WWOX: variants seen among roughly 807,000 people sequenced by gnomAD.
WWOX encodes WW domain-containing oxidoreductase.
Under a neutral mutation model 46.2 loss-of-function variants are expected in WWOX, and 69 were observed. The observed-to-expected ratio is 1.49, with a 90% CI of 1.23 to 1.82. The LOEUF (loss-of-function observed/expected upper bound fraction) is 1.82. Among genes scored for constraint, WWOX ranks in the 40% most tolerant of loss-of-function variants. WWOX has a pLI of 0.00. For synonymous variants in WWOX, 359 were observed against 202.6 expected (o/e 1.77, Z -6.56); for missense variants, 919 against 542.6 (o/e 1.69, Z -6.89).
intron 5 of WWOX, among the ~76,000 whole-genome samples, chr16:78,275,129 C>T (rs902425927): frequency 1.2e-4 from 18 of 152,168 alleles, no homozygotes; most frequent in Admixed American, 3.3e-4. Context: ...TTTAAGGATC[C>T]TAAAGAGAAG....
chr16:78,364,606 A>T (rs1451317143), intron 5 of WWOX, among the ~76,000 whole-genome samples: 1 of 151,746 alleles, frequency 6.6e-6, no homozygotes, highest in Non-Finnish European at 1.5e-5. Flanking sequence ...TAATAAAAAT[A>T]AACTGTTTGT....
At chr16:78,827,661 C>A (rs1486371071) in intron 8 of WWOX, among the ~76,000 whole-genome samples, 1 of 143,054 alleles carries the variant, frequency 7.0e-6, no homozygotes, top group African/African-American at 2.5e-5. Flanking sequence ...GGTGAAACCC[C>A]ATCTCTACTA....
At chr16:78,713,882 A>G (rs987972955) in intron 8 of WWOX, among the ~76,000 whole-genome samples, 1 of 152,098 alleles carries the variant, frequency 6.6e-6, no homozygotes, top group African/African-American at 2.4e-5. Flanking sequence ...TCTGAATATG[A>G]TTTGGGGTGA....
intron 8 of WWOX, among the ~76,000 whole-genome samples, chr16:78,915,993 C>G (rs1323907482): frequency 6.6e-6 from 1 of 152,180 alleles, no homozygotes; most frequent in Non-Finnish European, 1.5e-5. Flanking sequence ...CTCAGATTTC[C>G]CACCTATTGT....
At chr16:78,456,639 G>A (rs1019743985) in intron 8 of WWOX, among the ~76,000 whole-genome samples, 2 of 152,144 alleles carry the variant, frequency 1.3e-5, no homozygotes, top group Admixed American at 1.3e-4. Context: ...TTCTGAATCT[G>A]TGGTGTTTCT....
chr16:78,698,740 C>G (rs185024655), intron 8 of WWOX, among the ~76,000 whole-genome samples: 10 of 152,274 alleles, frequency 6.6e-5, no homozygotes, highest in Non-Finnish European at 1.3e-4. Context: ...ACTAAGGAGA[C>G]TGAGGCAGGA....
At chr16:78,950,059 G>C (rs1263539501) in intron 8 of WWOX, among the ~76,000 whole-genome samples, 1 of 152,168 alleles carries the variant, frequency 6.6e-6, no homozygotes, top group African/African-American at 2.4e-5. Context: ...TCTGCCATTT[G>C]AATTTGGGCG....
At chr16:78,788,279 T>G (rs970251267) in intron 8 of WWOX, among the ~76,000 whole-genome samples, 1 of 152,192 alleles carries the variant, frequency 6.6e-6, no homozygotes, top group Non-Finnish European at 1.5e-5. Context: ...GGTTCCTGGC[T>G]CATAACTCTC....
chr16:78,621,244 T>G (rs1433277067), intron 8 of WWOX, among the ~76,000 whole-genome samples: 1 of 152,184 alleles, frequency 6.6e-6, no homozygotes. Flanking sequence ...GGTGGAATTG[T>G]ACTTAACTGG....
chr16:78,621,064 TC>T (rs1405375273), intron 8 of WWOX, among the ~76,000 whole-genome samples: 1 of 152,190 alleles, frequency 6.6e-6, no homozygotes, highest in Non-Finnish European at 1.5e-5. Flanking sequence ...GCCTTTAACT[TC>T]CTTTCTCTTC....
At chr16:78,201,221 T>G (rs967214063) in intron 5 of WWOX, among the ~76,000 whole-genome samples, 10 of 152,226 alleles carry the variant, frequency 6.6e-5, no homozygotes, top group Non-Finnish European at 7.3e-5. Context: ...GAATTTCAAC[T>G]AAGAACCAAA....
chr16:78,356,863 CAG>C (rs1567521309), intron 5 of WWOX, among the ~76,000 whole-genome samples: 1 of 152,084 alleles, frequency 6.6e-6, no homozygotes, highest in African/African-American at 2.4e-5. Flanking sequence ...GCCTGGCAGA[CAG>C]AGTGAGACTC....
At chr16:78,912,638 A>C (rs1421425506) in intron 8 of WWOX, among the ~76,000 whole-genome samples, 1 of 152,026 alleles carries the variant, frequency 6.6e-6, no homozygotes, top group African/African-American at 2.4e-5. Context: ...ATTTCTTATC[A>C]TTTAATGTCC....
intron 8 of WWOX, among the ~76,000 whole-genome samples, chr16:78,819,145 T>G (rs1344094801): frequency 6.6e-6 from 1 of 152,226 alleles, no homozygotes; most frequent in Non-Finnish European, 1.5e-5. Context: ...AGTTGGCCAC[T>G]GCTGTTCAGT....
chr16:78,919,511 A>G (rs923531823), intron 8 of WWOX, among the ~76,000 whole-genome samples: 1 of 117,758 alleles, frequency 8.5e-6, no homozygotes, highest in African/African-American at 3.0e-5. Flanking sequence ...TTTTTCTTTT[A>G]TCTTTTTGTT....
intron 5 of WWOX, among the ~76,000 whole-genome samples, chr16:78,328,264 A>C (rs2080674929): frequency 6.6e-6 from 1 of 152,100 alleles, no homozygotes; most frequent in African/African-American, 2.4e-5. Flanking sequence ...CTTGATTTGG[A>C]ATTGTCGTGG....
rs537357465 is a variant in WWOX, at chr16:78,244,703, C to T, written c.516+80414C>T. Among the ~76,000 whole-genome samples the T allele has an allele frequency of 7.2e-5, 11 of 152,262 alleles. 1 individual carries two copies. The South Asian group carries it at 1.9e-3, about 26-fold the overall frequency. ...CCAGGCCTTATCAGGGCTTAGCCTT[C>T]GAGCAGTAGCAACACTTGCACCTGC... On this transcript the variant is annotated intron_variant, in intron 5 of 8. Transcript: ENST00000566780.
At chr16:78,430,636 G>A (rs1363908601) in intron 7 of WWOX, among the ~76,000 whole-genome samples, 2 of 152,120 alleles carry the variant, frequency 1.3e-5, no homozygotes, top group Admixed American at 6.5e-5. Flanking sequence ...CATTGCCTTA[G>A]ACAATTAAGC....
intron 8 of WWOX, chr16:78,825,794 C>T (rs991905965): frequency 7.7e-5 from 46 of 596,324 alleles, no homozygotes; most frequent in African/African-American, 7.2e-4. Context: ...TGTTGTGTGC[C>T]ATGTGCTGCT....
Sources: allele counts gnomAD v4.1 joint callset (sites outside exome capture counted in the v4.1 genomes callset), GRCh38; gene constraint gnomAD v4.1.1; transcripts MANE v1.5; gene names NCBI Gene and HGNC (gene_info 2026-07-23, HGNC 2026-07-21).